The following P2RY8 variants were observed in gnomAD, a reference collection of about 807,000 sequenced individuals.
P2RY8 encodes P2Y receptor family member 8.
Under a neutral mutation model 10.0 loss-of-function variants are expected in P2RY8, and 6 were observed. The observed-to-expected ratio is 0.60, with a 90% CI of 0.33 to 1.19. The LOEUF (loss-of-function observed/expected upper bound fraction) is 1.19, where lower values mean the gene tolerates loss of function less well. Ranked by LOEUF, P2RY8 falls within the 50% of genes most tolerant of loss-of-function variation. The pLI, the probability that P2RY8 is intolerant of heterozygous loss-of-function variation, is 0.04. For synonymous variants in P2RY8, 276 were observed against 252.5 expected, an observed-to-expected ratio of 1.09 and a Z score of -0.88; for missense variants, 456 against 542.0, an observed-to-expected ratio of 0.84 and a Z score of 1.58.
chrX:1,494,314 G>A (rs1342598090), intron 1 of P2RY8: 3 of 152,258 alleles, frequency 2.0e-5, no homozygotes, highest in Non-Finnish European at 2.9e-5. Flanking sequence ...CGCACCTTGA[G>A]ACAGACACCA....
At position 1,465,385 on chromosome X, in the gene P2RY8, G is replaced by A. The variant is rs2091650269; in HGVS notation, c.*94C>T. 18 of 1,505,212 alleles carry A rather than the reference G, an allele frequency of 1.2e-5. No individual in the cohort carries two copies. The highest frequency in any genetic ancestry group is 1.6e-5 in the Non-Finnish European group (18 of 1,135,128). 93.2% of individuals were successfully genotyped at this position (1,505,212 alleles called of 1,614,324 possible). A position where few individuals can be genotyped will look rare whatever the true frequency, so the allele number is the denominator to read the frequency against. On this transcript the variant is annotated 3_prime_UTR_variant, in exon 2 of 2. Transcript: ENST00000381297. ...CTCTGCAGTGCCTGGGAGCAACGCA[G>A]CTGTTCTCCCTGAACCTCTGGCACC...
Position 1,466,191 on chromosome X carries a change from A to C in P2RY8, c.368T>G (p.Leu123Arg). ...GGAGCTGAGCGGGTACAGGACCCCC[A>C]GGAAGCGCTCCACGCTGATACAGGT... ...TMTCISVERF[L>R]GVLYPLSSKR... is the part of the protein sequence containing the mutation. The change falls in exon 2 of 2, where the codon CTG (leucine) becomes CGG (arginine). Residue 123 changes from leucine to arginine, a missense_variant. Physicochemically the swap from Leu to Arg is moderately radical, Grantham distance 102 (BLOSUM62 -2). Transcript: ENST00000381297. The C allele has an allele frequency of 6.2e-7, 1 of 1,612,896 alleles. No homozygotes were observed. The highest frequency in any genetic ancestry group is 8.5e-7 in the Non-Finnish European group (1 of 1,179,498).
At chrX:1,526,328 A>G (rs2092439926) in intron 1 of P2RY8, among the ~76,000 whole-genome samples, 1 of 150,834 alleles carries the variant, frequency 6.6e-6, no homozygotes, top group Non-Finnish European at 1.5e-5. Flanking sequence ...CCACCCATCC[A>G]TTCATTCATC....
chrX:1,527,850 A>G (rs1478769498), intron 1 of P2RY8, among the ~76,000 whole-genome samples: 1 of 152,198 alleles, frequency 6.6e-6, no homozygotes. Flanking sequence ...CTATTTATGC[A>G]GCCATCCATT....
chrX:1,500,240 T>C (rs1174813539), intron 1 of P2RY8, among the ~76,000 whole-genome samples: 2 of 151,928 alleles, frequency 1.3e-5, no homozygotes, highest in Non-Finnish European at 2.9e-5. Context: ...TTTATTCTTT[T>C]TGGTGTTATT....
chrX:1,509,131 CT>C (rs1394795885), intron 1 of P2RY8, among the ~76,000 whole-genome samples: 37 of 151,460 alleles, frequency 2.4e-4, no homozygotes, highest in East Asian at 1.6e-3. Context: ...ATCTATCTAT[CT>C]ATCTATCTAT....
rs183324176 is a variant in P2RY8, at chrX:1,481,432, G to T, written c.-24-14850C>A. ...ACCTGCCTCGACCTCCCAAAGTGCT[G>T]GGATTACAGGCGTGAGCCACCGTGC... On this transcript the variant is annotated intron_variant, in intron 1 of 1. Coordinates refer to ENST00000381297, the MANE Select transcript of P2RY8 (RefSeq NM_178129.5). 2.0e-5 allele frequency among the ~76,000 whole-genome samples: 3 copies of T among 152,280 alleles called. No homozygotes were observed. The East Asian group carries it at 5.8e-4, about 29-fold the overall frequency.
At chrX:1,487,240 T>C (rs1323913716) in intron 1 of P2RY8, among the ~76,000 whole-genome samples, 1 of 152,184 alleles carries the variant, frequency 6.6e-6, no homozygotes, top group East Asian at 1.9e-4. Context: ...TTCCTCCTTG[T>C]CTTTCCCGGC....
intron 1 of P2RY8, 134 bp from the exon 2 acceptor site, chrX:1,466,716 C>CTCCG (rs757040170): frequency 1.4e-6 from 1 of 702,392 alleles, no homozygotes; most frequent in East Asian, 2.7e-5. Context: ...TGTCTCCTCC[C>CTCCG]TCCCTCCCTC....
At chrX:1,535,552 C>A (rs1487256800) in intron 1 of P2RY8, among the ~76,000 whole-genome samples, 14 of 151,834 alleles carry the variant, frequency 9.2e-5, no homozygotes, top group African/African-American at 3.4e-4. Context: ...AGGAACGGAA[C>A]GGGAAGGAGA....
At chrX:1,468,031 G>C (rs1488487097) in intron 1 of P2RY8, among the ~76,000 whole-genome samples, 3 of 152,010 alleles carry the variant, frequency 2.0e-5, no homozygotes, top group Non-Finnish European at 2.9e-5. Context: ...TCCCAGGCTG[G>C]TCTCAAACTC....
chrX:1,478,169 T>C (rs1478987331), intron 1 of P2RY8, among the ~76,000 whole-genome samples: 1 of 152,000 alleles, frequency 6.6e-6, no homozygotes, highest in Non-Finnish European at 1.5e-5. Context: ...TCCATTGGTA[T>C]CTCCTGTTTC....
intron 1 of P2RY8, among the ~76,000 whole-genome samples, chrX:1,509,515 TCATCCATC>T (rs755951808): frequency 8.2e-4 from 105 of 127,948 alleles, no homozygotes; most frequent in Admixed American, 3.3e-3. Flanking sequence ...ATCCATCCAT[TCATCCATC>T]CATCCATCCA....
chrX:1,505,801 A>G (rs1224478139), intron 1 of P2RY8, among the ~76,000 whole-genome samples: 1 of 152,038 alleles, frequency 6.6e-6, no homozygotes, highest in Non-Finnish European at 1.5e-5. Context: ...AAAACAAACA[A>G]ACAATAAAAC....
intron 1 of P2RY8, among the ~76,000 whole-genome samples, chrX:1,493,460 G>GAA (rs746726153): frequency 0.25 from 28,198 of 114,940 alleles, 6,122 homozygotes; most frequent in East Asian, 0.36. Context: ...GAGGAAGGAG[G>GAA]GAGGAGGGAG....
intron 1 of P2RY8, among the ~76,000 whole-genome samples, chrX:1,517,977 T>C (rs1410109431): frequency 1.4e-5 from 2 of 147,438 alleles, no homozygotes; most frequent in East Asian, 2.0e-4. Flanking sequence ...GGCGTGGTGG[T>C]GCGCACCTGT....
chrX:1,533,347 AT>A (rs1292266035), intron 1 of P2RY8, among the ~76,000 whole-genome samples: 1 of 147,540 alleles, frequency 6.8e-6, no homozygotes, highest in Non-Finnish European at 1.5e-5. Flanking sequence ...TAATATATAT[AT>A]ATTCATATAT....
intron 1 of P2RY8, among the ~76,000 whole-genome samples, chrX:1,525,003 C>T (rs192073828): frequency 4.7e-4 from 71 of 152,326 alleles, no homozygotes; most frequent in Non-Finnish European, 1.5e-4. Context: ...AAGGTGGTCT[C>T]AGGGTGGGGG....
intron 1 of P2RY8, among the ~76,000 whole-genome samples, chrX:1,535,710 C>CACAG (rs1265471137): frequency 3.2e-4 from 46 of 145,346 alleles, no homozygotes; most frequent in African/African-American, 1.0e-3. Flanking sequence ...CACACACACA[C>CACAG]ACACAGACAC....
Sources: allele counts gnomAD v4.1 joint callset (sites outside exome capture counted in the v4.1 genomes callset), GRCh38; gene constraint gnomAD v4.1.1; transcripts MANE v1.5; gene names NCBI Gene and HGNC (gene_info 2026-07-23, HGNC 2026-07-21).